The following KDELR1 variants were observed in gnomAD, a reference collection of about 807,000 sequenced individuals.
The protein encoded by KDELR1 is ER lumen protein-retaining receptor 1.
In KDELR1, 16 loss-of-function variants were observed where a neutral mutation model predicts 25.5. The observed-to-expected ratio is 0.63, with a 90% CI of 0.43 to 0.95. The LOEUF is 0.95. Among genes scored for constraint, KDELR1 ranks in the 40% least tolerant of loss-of-function variants. KDELR1 has a pLI of 0.00. For synonymous variants in KDELR1, 121 were observed against 115.0 expected (o/e 1.05, Z -0.33); for missense variants, 159 against 265.2 (o/e 0.60, Z 2.78).
At chr19:48,394,603 G>A (rs115323472), upstream of KDELR1, among the ~76,000 whole-genome samples, 2,503 of 152,138 alleles carry the variant, frequency 0.016, 75 homozygotes, top group African/African-American at 0.057. The surrounding 1 kb of genome is among the most constrained non-coding windows in gnomAD (Gnocchi z 5.1). Flanking sequence ...CACGGGGTCG[G>A]GGCGGCAAGA....
At chr19:48,393,531 G>C (rs1970587756), upstream of KDELR1, among the ~76,000 whole-genome samples, 1 of 152,134 alleles carries the variant, frequency 6.6e-6, no homozygotes, top group African/African-American at 2.4e-5. This position sits in a 1 kb window ranked among gnomAD's most constrained non-coding sequence, Gnocchi z 5.6. Context: ...TGTCCCAGGA[G>C]GAAGGCAGAG....
At position 48,384,142 on chromosome 19, in the gene KDELR1, T is replaced by C; in HGVS notation, c.604+88A>G. The C allele has an allele frequency of 6.6e-7, 1 of 1,510,730 alleles. No individual in the cohort carries two copies. Among genetic ancestry groups the C allele is most frequent in the Non-Finnish European group, 9.0e-7 (1 of 1,105,562 alleles). 93.6% of individuals were successfully genotyped at this position (1,510,730 alleles called of 1,614,324 possible). A position where few individuals can be genotyped will look rare whatever the true frequency, so the allele number is the denominator to read the frequency against. On this transcript the variant is annotated intron_variant, in intron 4 of 4. Coordinates refer to ENST00000330720, the MANE Select transcript of KDELR1 (RefSeq NM_006801.3). The surrounding 1 kb of genome is among the most constrained non-coding windows in gnomAD (Gnocchi z 4.6). ...AAGAAATGCTCCCTTCTTTGCATAA[T>C]ACAGGGGTAAGGAGACCCCAGTCCC...
At chr19:48,383,417 T>C (rs1970471890) in intron 4 of KDELR1, 90 bp from the exon 5 acceptor site, 8 of 1,160,552 alleles carry the variant, frequency 6.9e-6, no homozygotes. Flanking sequence ...GCAGGCACGC[T>C]AGATGGGCAG....
At chr19:48,396,758 G>T in the KDELR1 span, among the ~76,000 whole-genome samples, 1 of 152,012 alleles carries the variant, frequency 6.6e-6, no homozygotes, top group Non-Finnish European at 1.5e-5. Context: ...GGCAGGGGAG[G>T]GGTGGTGGAC....
chr19:48,396,552 G>T, the KDELR1 span, among the ~76,000 whole-genome samples: 2 of 151,962 alleles, frequency 1.3e-5, no homozygotes, highest in Admixed American at 6.6e-5. Flanking sequence ...ATTTTGGGGC[G>T]GAGTGGGGGG....
In KDELR1 at chr19:48,389,645, C is replaced by A; in HGVS notation, c.259G>T (p.Asp87Tyr). 1 of 1,614,126 alleles carries A rather than the reference C, an allele frequency of 6.2e-7. No homozygotes were observed. Among genetic ancestry groups the A allele is most frequent in the Non-Finnish European group, 8.5e-7 (1 of 1,179,970 alleles). The change falls in exon 3 of 5, where the codon GAT becomes TAT. Residue 87 changes from aspartate (D) to tyrosine (Y), a missense_variant. Asp to Tyr is a radical substitution (Grantham distance 160, BLOSUM62 -3). Transcript: ENST00000330720. The part of the protein sequence containing the change: ...LIYSKFKATY[D>Y]GNHDTFRVEF... ...ACTCTGAACGTGTCATGGTTCCCAT[C>A]GTAAGTAGCTTTGAACTTGCTATAA...
At chr19:48,390,392 T>C in intron 2 of KDELR1, 32 bp downstream of exon 2, 1 of 1,518,908 alleles carries the variant, frequency 6.6e-7, no homozygotes, top group Non-Finnish European at 9.1e-7. Flanking sequence ...TCTGCCTCAG[T>C]GGGGGCCAGA....
Position 48,384,112 on chromosome 19 carries a change from C to G in KDELR1, c.604+118G>C. ...TGGTAGGCCTGCCACCCCAGAAACCCGGCGAAGAAATGCTCCCTTCTTTGC... is the reference window on the plus strand; with the variant it reads ...TGGTAGGCCTGCCACCCCAGAAACCGGGCGAAGAAATGCTCCCTTCTTTGC... On this transcript the variant is annotated intron_variant, in intron 4 of 4. Coordinates refer to ENST00000330720, the MANE Select transcript of KDELR1 (RefSeq NM_006801.3). This position sits in a 1 kb window ranked among gnomAD's most constrained non-coding sequence, Gnocchi z 4.6. 7.6e-7 allele frequency: 1 copy of G among 1,315,438 alleles called. No homozygotes were observed. Among genetic ancestry groups the G allele is most frequent in the Non-Finnish European group, 1.0e-6 (1 of 955,920 alleles). 81.5% of individuals were successfully genotyped at this position (1,315,438 alleles called of 1,614,324 possible). A position where few individuals can be genotyped will look rare whatever the true frequency, so the allele number is the denominator to read the frequency against.
intron 3 of KDELR1, among the ~76,000 whole-genome samples, chr19:48,386,116 T>C (rs527971412): frequency 6.6e-6 from 1 of 151,900 alleles, no homozygotes; most frequent in East Asian, 1.9e-4. Flanking sequence ...GTTGCTTTTT[T>C]TTTTTTTTTT....
intron 4 of KDELR1, 138 bp from the exon 5 acceptor site, chr19:48,383,465 C>T (rs1315782231): frequency 1.4e-6 from 1 of 725,390 alleles, no homozygotes; most frequent in East Asian, 2.7e-5. Flanking sequence ...CTCACAGATA[C>T]ATTCCTGGTT....
upstream of KDELR1, among the ~76,000 whole-genome samples, chr19:48,393,772 C>T (rs1970593578): frequency 6.6e-6 from 1 of 152,116 alleles, no homozygotes. This position sits in a 1 kb window ranked among gnomAD's most constrained non-coding sequence, Gnocchi z 5.6. Flanking sequence ...CCCGCAGCCT[C>T]CCGCAGCCTC....
chr19:48,383,373 C>A, intron 4 of KDELR1, 46 bp from the exon 5 acceptor site: 1 of 1,538,550 alleles, frequency 6.5e-7, no homozygotes, highest in East Asian at 2.4e-5. Flanking sequence ...GGGGCCCCTG[C>A]AGGGAGGGGA....
At chr19:48,393,737 GC>G (rs1159151097), upstream of KDELR1, among the ~76,000 whole-genome samples, 3 of 151,934 alleles carry the variant, frequency 2.0e-5, no homozygotes, top group African/African-American at 7.3e-5. The surrounding 1 kb of genome is among the most constrained non-coding windows in gnomAD (Gnocchi z 5.6). Context: ...GCTCCTCCAA[GC>G]CGCGGCCGCC....
chr19:48,394,174 C>T (rs1970601620), upstream of KDELR1, among the ~76,000 whole-genome samples: 1 of 152,036 alleles, frequency 6.6e-6, no homozygotes, highest in Admixed American at 6.5e-5. This position sits in a 1 kb window ranked among gnomAD's most constrained non-coding sequence, Gnocchi z 5.1. Flanking sequence ...CCATTAGACC[C>T]CCCACTCTGT....
intron 3 of KDELR1, 48 bp downstream of exon 3, chr19:48,389,505 T>C: frequency 6.2e-7 from 1 of 1,609,438 alleles, no homozygotes; most frequent in East Asian, 2.2e-5. Context: ...TCATAGCTAC[T>C]CTGCCACAAC....
chr19:48,383,482 C>T (rs1970472244), intron 4 of KDELR1, among the ~76,000 whole-genome samples, 155 bp from the exon 5 acceptor site: 1 of 152,016 alleles, frequency 6.6e-6, no homozygotes, highest in Non-Finnish European at 1.5e-5. Context: ...GGTTTCTTTC[C>T]TTCCTACCCT....
chr19:48,392,698 C>G (rs1470172549), upstream of KDELR1, among the ~76,000 whole-genome samples: 1 of 152,162 alleles, frequency 6.6e-6, no homozygotes, highest in Non-Finnish European at 1.5e-5. Flanking sequence ...AGGCTCAAGG[C>G]CAAAACTCTG....
chr19:48,396,746 G>C, the KDELR1 span, among the ~76,000 whole-genome samples: 3 of 152,106 alleles, frequency 2.0e-5, no homozygotes, highest in Admixed American at 6.5e-5. Context: ...CTGTGGCCTC[G>C]AGGCAGGGGA....
At chr19:48,392,824 G>A (rs973357310), upstream of KDELR1, among the ~76,000 whole-genome samples, 2 of 152,082 alleles carry the variant, frequency 1.3e-5, no homozygotes, top group Non-Finnish European at 1.5e-5. Context: ...CCTGCCCCAC[G>A]CTCTACCCCA....
Sources: gnomAD v4.1 joint callset for allele counts (sites outside exome capture counted in the v4.1 genomes callset) on GRCh38, gnomAD v4.1.1 for gene constraint, Gnocchi (gnomAD v3.1) non-coding constraint, MANE v1.5 for transcripts, NCBI Gene and HGNC (gene_info 2026-07-23, HGNC 2026-07-21) for gene names.